FTCD: variants seen among roughly 807,000 people sequenced by gnomAD.
FTCD encodes the protein formimidoyltransferase-cyclodeaminase.
A neutral mutation model predicts 62.9 loss-of-function variants in FTCD; 76 were observed. That is an observed-to-expected ratio of 1.21 (90% confidence interval 1.00 to 1.46). The LOEUF is 1.46. FTCD is among the 40% of genes most tolerant of loss of function. The probability of loss-of-function intolerance (pLI) is 0.00; values close to 1 mark genes in which losing one functional copy is unlikely to be tolerated. For synonymous variants in FTCD, 397 were observed against 336.9 expected, an observed-to-expected ratio of 1.18 and a Z score of -1.95; for missense variants, 845 against 751.3, an observed-to-expected ratio of 1.12 and a Z score of -1.46.
rs1052898189 is a variant in FTCD, at chr21:46,151,564, C to T, written c.630G>A (p.Lys210=). 5 of 1,612,466 alleles carry T rather than the reference C, an allele frequency of 3.1e-6. No individual in the cohort carries two copies. The highest frequency in any genetic ancestry group is 1.3e-5 in the African/African-American group (1 of 75,054). The part of the protein sequence containing the change: ...ALNLREQGRG[K]DQPGRLKKVQ... ...GGTCAGTGAACGGGGTCACCTGGTC[C>T]TTCCCGCGGCCCTGCTCCCGCAGGT... Residue 210 remains lysine, a synonymous_variant, in exon 5 of 14, where the codon AAG becomes AAA. Coordinates refer to ENST00000397746, the MANE Select transcript of FTCD (RefSeq NM_206965.2).
Position 46,150,468 on chromosome 21 carries a change from C to T in FTCD, c.694G>A (p.Ala232Thr), listed in dbSNP as rs537044268. The change falls in exon 6 of 14, where the codon GCT becomes ACT. Residue 232 changes from alanine (A) to threonine (T), a missense_variant. By Grantham distance (58) the Ala-to-Thr change is moderately conservative. Transcript: ENST00000397746. ...TCCAGAAGATTGGTGGACACCTGAG[C>T]CAGGTTCTTCTCATCCAGGTACCAG... ...IGWYLDEKNL[A>T]QVSTNLLDFE... is the part of the protein sequence containing the mutation. 5 of 1,613,050 alleles carry T rather than the reference C, an allele frequency of 3.1e-6. No individual in the cohort carries two copies. In the East Asian group the frequency reaches 1.1e-4, roughly 36 times the overall value.
chr21:46,151,751 C>T lies in FTCD; in HGVS notation c.457-14G>A, dbSNP rs201867413. 2.8e-4 allele frequency: 448 copies of T among 1,612,426 alleles called. No individual in the cohort carries two copies. The African/African-American group carries it at 3.0e-3, about 11-fold the overall frequency. On this transcript the variant is annotated splice_polypyrimidine_tract_variant and intron_variant, in intron 4 of 13. Transcript: ENST00000397746. ...GGCCTGCTGGAGCTGTGAGCAAGTT[C>T]GCTCTGGGGTGAGACATCCCCCACG...
At chr21:46,141,247 C>T (rs1034551686) in intron 10 of FTCD, among the ~76,000 whole-genome samples, 1 of 151,944 alleles carries the variant, frequency 6.6e-6, no homozygotes. Flanking sequence ...AAGCTACCCC[C>T]ACTTAAGCCT....
intron 4 of FTCD, 23 bp from the exon 5 acceptor site, chr21:46,151,760 G>A (rs552062028): frequency 9.9e-6 from 16 of 1,611,946 alleles, no homozygotes; most frequent in Non-Finnish European, 1.4e-5. Flanking sequence ...TCGCTCTGGG[G>A]TGAGACATCC....
At position 46,138,500 on chromosome 21, in the gene FTCD, C is replaced by A. The variant is rs756372120; in HGVS notation, c.1443+8G>T. On this transcript the variant is annotated splice_region_variant and intron_variant, in intron 12 of 13. Coordinates refer to ENST00000397746, the MANE Select transcript of FTCD (RefSeq NM_206965.2). ...GCAGGAGGCCTGGGGTCCCCCGGGC[C>A]CCCCTACCTGGAGGTCTGACCGGCA... 1.3e-6 allele frequency: 2 copies of A among 1,579,086 alleles called. No homozygotes were observed. Among genetic ancestry groups the A allele is most frequent in the African/African-American group, 1.3e-5 (1 of 74,330 alleles).
At position 46,151,725 on chromosome 21, in the gene FTCD, C is replaced by A. The variant is rs532226691; in HGVS notation, c.469G>T (p.Asp157Tyr). 688 of 1,612,874 alleles carry A rather than the reference C, an allele frequency of 4.3e-4. 8 individuals are homozygous for A. In the South Asian group the frequency reaches 7.1e-3, roughly 17 times the overall value. ...CTGGGACCAAAGTCGGGCGCCCAGT[C>A]GGCCTGCTGGAGCTGTGAGCAAGTT... Reference protein sequence around the residue: ...EALPKKLQQADWAPDFGPSSF... With the variant: ...EALPKKLQQAYWAPDFGPSSF... The change falls in exon 5 of 14, where the codon GAC becomes TAC. Residue 157 changes from aspartate (D) to tyrosine (Y), a missense_variant. Physicochemically the swap from Asp to Tyr is radical, Grantham distance 160 (BLOSUM62 -3). Transcript: ENST00000397746.
rs373031700 is a variant in FTCD, at chr21:46,151,875, G to A, written c.456+17C>T. 3.0e-5 allele frequency: 47 copies of A among 1,553,708 alleles called. No homozygotes were observed. The African/African-American group carries it at 4.8e-4, about 16-fold the overall frequency. On this transcript the variant is annotated intron_variant, in intron 4 of 13. Coordinates refer to ENST00000397746, the MANE Select transcript of FTCD (RefSeq NM_206965.2). ...GTCCACCTCCTTCCCAGGCCCGACCGCCCGGGGTGGGGGCACCTTCTTAGG... is the reference window on the plus strand; with the variant it reads ...GTCCACCTCCTTCCCAGGCCCGACCACCCGGGGTGGGGGCACCTTCTTAGG...
At chr21:46,154,921 C>A (rs562610189) in intron 1 of FTCD, among the ~76,000 whole-genome samples, 17 of 152,324 alleles carry the variant, frequency 1.1e-4, no homozygotes, top group African/African-American at 4.1e-4. Context: ...TTAGGGCCTG[C>A]GTTTGTTCCC....
chr21:46,155,547 T>C lies in FTCD; in HGVS notation c.-24A>G. On this transcript the variant is annotated 5_prime_UTR_variant, in exon 1 of 14. Transcript: ENST00000397746. Reference sequence around the variant, plus strand: ...ATGGCCAGCACCTTGATCCAGATGCTCCTCTCTGGGCAGATGGAAGGACAG... The same window carrying C: ...ATGGCCAGCACCTTGATCCAGATGCCCCTCTCTGGGCAGATGGAAGGACAG... 6.2e-7 allele frequency: 1 copy of C among 1,605,296 alleles called. No homozygotes were observed. Among genetic ancestry groups the C allele is most frequent in the Non-Finnish European group, 8.5e-7 (1 of 1,173,106 alleles).
intron 9 of FTCD, 94 bp downstream of exon 9, chr21:46,145,724 T>TCC (rs1333676131): frequency 5.9e-6 from 1 of 169,888 alleles, no homozygotes; most frequent in Non-Finnish European, 8.9e-6. Flanking sequence ...CACCGCGCCC[T>TCC]CCCCACCCCG....
rs372247885 is a variant in FTCD at position 46,151,685 on chromosome 21, C to A, written c.509G>T (p.Ser170Ile). The stretch of plus-strand genomic sequence containing the variant: ...CGCCCCCGTGGCCGTGGCCCCCCAA[C>A]TGGGGACAAAGGAGCTGGGACCAAA... ...PDFGPSSFVP[S>I]WGATATGARK... is the part of the protein sequence containing the mutation. The change falls in exon 5 of 14, where the codon AGT becomes ATT. Residue 170 changes from serine to isoleucine, a missense_variant. Physicochemically the swap from Ser to Ile is moderately radical, Grantham distance 142. Coordinates refer to ENST00000397746, the MANE Select transcript of FTCD (RefSeq NM_206965.2). The A allele has an allele frequency of 3.1e-6, 5 of 1,613,042 alleles. No individual in the cohort carries two copies. Among genetic ancestry groups the A allele is most frequent in the South Asian group, 1.1e-5 (1 of 91,090 alleles).
chr21:46,152,454 G>A (rs1049764876), intron 3 of FTCD: 11 of 200,144 alleles, frequency 5.5e-5, no homozygotes, highest in African/African-American at 1.4e-4. Flanking sequence ...CGGCGTGACC[G>A]TGACGGGGGT....
chr21:46,138,656 G>A lies in FTCD; in HGVS notation c.1305-10C>T, dbSNP rs774194532. ...TAGGGCCGCCGTGCGCCTGAAAGGA[G>A]CAAGAGGAGAGCCTGAGCACAGCGG... is the stretch of plus-strand genomic sequence containing the variant. On this transcript the variant is annotated splice_polypyrimidine_tract_variant and intron_variant, in intron 11 of 13. Transcript: ENST00000397746. The A allele has an allele frequency of 3.8e-6, 6 of 1,596,066 alleles. No homozygotes were observed. The highest frequency in any genetic ancestry group is 5.1e-6 in the Non-Finnish European group (6 of 1,178,046).
chr21:46,138,339 C>T (rs911300099), intron 12 of FTCD, among the ~76,000 whole-genome samples, 169 bp downstream of exon 12: 5 of 152,162 alleles, frequency 3.3e-5, no homozygotes, highest in Non-Finnish European at 7.4e-5. Context: ...TAGAAGGCAG[C>T]GGACACCCCG....
intron 3 of FTCD, 29 bp from the exon 4 acceptor site, chr21:46,152,009 G>T (rs1340882926): frequency 1.3e-6 from 2 of 1,498,546 alleles, no homozygotes; most frequent in Non-Finnish European, 1.8e-6. Context: ...GTCAGGCCTG[G>T]ACCGGCAGGG....
chr21:46,149,981 C>A (rs1292416747), intron 7 of FTCD, 138 bp downstream of exon 7: 2 of 871,710 alleles, frequency 2.3e-6, no homozygotes, highest in Non-Finnish European at 3.7e-6. Context: ...AGTGAAATCT[C>A]ATCTTCTGAA....
chr21:46,151,048 C>T (rs1045895192), intron 5 of FTCD, among the ~76,000 whole-genome samples: 8 of 152,202 alleles, frequency 5.3e-5, no homozygotes, highest in African/African-American at 1.9e-4. Flanking sequence ...TTTGTGGGAC[C>T]GGGGTCTCTG....
At chr21:46,151,009 C>T (rs1390405469) in intron 5 of FTCD, among the ~76,000 whole-genome samples, 3 of 152,316 alleles carry the variant, frequency 2.0e-5, no homozygotes, top group South Asian at 2.1e-4. Flanking sequence ...GTCTGCAGGT[C>T]GGGAAGCCGG....
intron 10 of FTCD, among the ~76,000 whole-genome samples, chr21:46,139,520 G>A (rs1410529002): frequency 5.3e-5 from 8 of 152,312 alleles, no homozygotes; most frequent in Admixed American, 3.3e-4. Context: ...CTACTCACAC[G>A]GACTGTGGCC....
Sources: gnomAD v4.1 joint callset for allele counts (sites outside exome capture counted in the v4.1 genomes callset) on GRCh38, gnomAD v4.1.1 for gene constraint, MANE v1.5 for transcripts, NCBI Gene and HGNC (gene_info 2026-07-23, HGNC 2026-07-21) for gene names.